MYO1E: variants seen among roughly 807,000 people sequenced by gnomAD.
MYO1E encodes unconventional myosin-Ie.
In MYO1E, 68 loss-of-function variants were observed where a neutral mutation model predicts 151.1. That is an observed-to-expected ratio of 0.45 (90% confidence interval 0.37 to 0.55). MYO1E has a LOEUF of 0.55. Among genes scored for constraint, MYO1E ranks in the 20% least tolerant of loss-of-function variants. The pLI is 0.00. For missense variants in MYO1E, 1,363 were observed against 1,389.3 expected, an observed-to-expected ratio of 0.98 and a Z score of 0.30; for synonymous variants, 601 against 501.7, an observed-to-expected ratio of 1.20 and a Z score of -2.64.
chr15:59,263,226 T>C (rs535700629), intron 2 of MYO1E, among the ~76,000 whole-genome samples: 1 of 152,250 alleles, frequency 6.6e-6, no homozygotes, highest in South Asian at 2.1e-4. Context: ...CTGTGTACCA[T>C]GAAAACCAGC....
intron 9 of MYO1E, among the ~76,000 whole-genome samples, chr15:59,221,731 T>C (rs2079957686): frequency 6.6e-6 from 1 of 152,210 alleles, no homozygotes; most frequent in African/African-American, 2.4e-5. Context: ...CTACTAACTC[T>C]GGACATCAAT....
Position 59,188,194 on chromosome 15 carries a change from A to G in MYO1E, c.1828T>C (p.Leu610=), listed in dbSNP as rs760636914. 8 of 1,613,948 alleles carry G rather than the reference A, an allele frequency of 5.0e-6. No individual in the cohort carries two copies. In the South Asian group the frequency reaches 8.8e-5, roughly 18 times the overall value. The stretch of plus-strand genomic sequence containing the variant: ...ACTCGAATGTTCTCTTTCAGACCCA[A>G]ATATTCGACTTGATGCTTTACCCTG... ...ESRVKHQVEY[L]GLKENIRVRR... is the part of the protein sequence containing the mutation. Residue 610 remains leucine (L), a synonymous_variant, in exon 18 of 28, where the codon TTG becomes CTG. Transcript: ENST00000288235.
chr15:59,168,818 A>ACC (rs1208760377), intron 22 of MYO1E, among the ~76,000 whole-genome samples: 2 of 151,984 alleles, frequency 1.3e-5, no homozygotes, highest in African/African-American at 4.8e-5. Context: ...ATGGGTTCTT[A>ACC]CTATGTTGCC....
intron 4 of MYO1E, among the ~76,000 whole-genome samples, chr15:59,237,820 T>C (rs1387540613): frequency 1.3e-5 from 2 of 152,150 alleles, no homozygotes; most frequent in African/African-American, 4.8e-5. Flanking sequence ...TTTGAAATAA[T>C]TTTACATTTC....
chr15:59,333,231 T>C (rs1322473527), intron 1 of MYO1E, among the ~76,000 whole-genome samples: 1 of 152,018 alleles, frequency 6.6e-6, no homozygotes, highest in Admixed American at 6.5e-5. Flanking sequence ...CACTATCTAC[T>C]TTCTTTCTTT....
chr15:59,272,624 C>G (rs545979771), intron 1 of MYO1E, among the ~76,000 whole-genome samples, 175 bp from the exon 2 acceptor site: 1 of 152,346 alleles, frequency 6.6e-6, no homozygotes, highest in South Asian at 2.1e-4. Flanking sequence ...TTGCTACCTA[C>G]AGACTAAGTT....
At chr15:59,316,358 G>C (rs566287162) in intron 1 of MYO1E, among the ~76,000 whole-genome samples, 7 of 152,026 alleles carry the variant, frequency 4.6e-5, no homozygotes, top group Non-Finnish European at 7.4e-5. Flanking sequence ...CTTCCTTGCC[G>C]GCACCCATTA....
intron 12 of MYO1E, among the ~76,000 whole-genome samples, chr15:59,211,007 G>A (rs28635153): frequency 3.3e-5 from 5 of 151,904 alleles, no homozygotes; most frequent in Admixed American, 2.6e-4. Flanking sequence ...CGAGACCATC[G>A]TGACCAACAT....
At chr15:59,155,201 G>A (rs2079503031) in intron 25 of MYO1E, among the ~76,000 whole-genome samples, 1 of 152,172 alleles carries the variant, frequency 6.6e-6, no homozygotes, top group Non-Finnish European at 1.5e-5. Context: ...CATGCTGCTC[G>A]AGATCCCCTT....
At position 59,372,757 on chromosome 15, in the gene MYO1E, C is replaced by T. The variant is rs2080956257; in HGVS notation, c.-257G>A. 5.5e-6 allele frequency: 3 copies of T among 542,904 alleles called. No individual in the cohort carries two copies. Among genetic ancestry groups the T allele is most frequent in the East Asian group, 3.3e-5 (1 of 30,768 alleles). The allele number at this position is 542,904 out of a possible 1,614,324, so 33.6% of individuals were successfully genotyped here. On this transcript the variant is annotated 5_prime_UTR_variant, in exon 1 of 28. Coordinates refer to ENST00000288235, the MANE Select transcript of MYO1E (RefSeq NM_004998.4). Reference sequence around the variant, plus strand: ...TGCGGAGGGCAAGAGTCCACTCGTACTCGCCGGTCGCCGCCGGCCCAGGTG... The same window carrying T: ...TGCGGAGGGCAAGAGTCCACTCGTATTCGCCGGTCGCCGCCGGCCCAGGTG...
chr15:59,295,920 A>T (rs1446044320), intron 1 of MYO1E, among the ~76,000 whole-genome samples: 5 of 152,142 alleles, frequency 3.3e-5, no homozygotes, highest in African/African-American at 1.2e-4. Context: ...CTGAGCTGTG[A>T]GTCCCTCTGT....
At chr15:59,302,209 G>C (rs984547884) in intron 1 of MYO1E, among the ~76,000 whole-genome samples, 2 of 152,270 alleles carry the variant, frequency 1.3e-5, no homozygotes, top group Non-Finnish European at 2.9e-5. Context: ...CCAATGAGGG[G>C]ATCAGTTTGT....
chr15:59,319,760 G>A (rs554660339), intron 1 of MYO1E, among the ~76,000 whole-genome samples: 6 of 151,486 alleles, frequency 4.0e-5, no homozygotes, highest in South Asian at 2.1e-4. Context: ...AAAATTAGCC[G>A]GGCATGGGGG....
chr15:59,243,535 G>A (rs1014439224), intron 4 of MYO1E, among the ~76,000 whole-genome samples: 25 of 152,308 alleles, frequency 1.6e-4, no homozygotes, highest in African/African-American at 5.5e-4. Flanking sequence ...GCTAGAAAAG[G>A]AGGTGAGAGA....
rs1157749564 is a variant in MYO1E at position 59,159,163 on chromosome 15, C to T, written c.2786-784G>A. Among the ~76,000 whole-genome samples the T allele has an allele frequency of 2.0e-5, 3 of 152,198 alleles. No individual in the cohort carries two copies. Among genetic ancestry groups the T allele is most frequent in the African/African-American group, 7.2e-5 (3 of 41,462 alleles). On this transcript the variant is annotated intron_variant, in intron 24 of 27. Coordinates refer to ENST00000288235, the MANE Select transcript of MYO1E (RefSeq NM_004998.4). The surrounding 1 kb of genome is among the most constrained non-coding windows in gnomAD (Gnocchi z 4.4). ...GGTGACAAGGTGCACAGTGCAAACA[C>T]AGCAAAGGAGCTGCAGCTCTAGGGC...
chr15:59,171,473 C>A (rs1430530007), intron 22 of MYO1E, among the ~76,000 whole-genome samples: 1 of 152,156 alleles, frequency 6.6e-6, no homozygotes, highest in Non-Finnish European at 1.5e-5. Context: ...TAAGGAAGTC[C>A]CAAAGAAACT....
intron 1 of MYO1E, chr15:59,341,442 T>C (rs2140429331): frequency 6.6e-6 from 1 of 152,314 alleles, no homozygotes; most frequent in East Asian, 1.9e-4. Context: ...TTATTCATTC[T>C]ATTATTTCTA....
At chr15:59,213,432 A>G (rs913685137) in intron 12 of MYO1E, among the ~76,000 whole-genome samples, 14 of 151,872 alleles carry the variant, frequency 9.2e-5, no homozygotes, top group African/African-American at 3.4e-4. Context: ...CGGCCTCCCA[A>G]AGTGCAGGGA....
At chr15:59,256,516 T>A (rs1033861208) in intron 3 of MYO1E, 138 bp from the exon 4 acceptor site, 1 of 436,228 alleles carries the variant, frequency 2.3e-6, no homozygotes, top group Non-Finnish European at 3.9e-6. Context: ...TTCCAATGCC[T>A]ATCATTACAT....
Sources: allele counts gnomAD v4.1 joint callset (sites outside exome capture counted in the v4.1 genomes callset), GRCh38; gene constraint gnomAD v4.1.1; non-coding constraint Gnocchi (gnomAD v3.1); transcripts MANE v1.5; gene names NCBI Gene and HGNC (gene_info 2026-07-23, HGNC 2026-07-21).